The following PDE11A variants were observed in gnomAD, a reference collection of about 807,000 sequenced individuals.
PDE11A encodes dual 3',5'-cyclic-AMP and -GMP phosphodiesterase 11A.
A neutral mutation model predicts 100.5 loss-of-function variants in PDE11A; 100 were observed. That is an observed-to-expected ratio of 1.00 (90% CI 0.85 to 1.18). The LOEUF (loss-of-function observed/expected upper bound fraction) is 1.18. PDE11A is among the 50% of genes most tolerant of loss of function. The pLI, the probability that PDE11A is intolerant of heterozygous loss-of-function variation, is 0.00. For synonymous variants in PDE11A, 381 were observed against 420.8 expected (o/e 0.91, Z 1.16); for missense variants, 1,141 against 1,152.6 (o/e 0.99, Z 0.15).
intron 3 of PDE11A, among the ~76,000 whole-genome samples, chr2:177,903,021 C>T (rs1293674863): frequency 6.6e-6 from 1 of 152,200 alleles, no homozygotes; most frequent in Non-Finnish European, 1.5e-5. Context: ...TAATGGCTTT[C>T]CATTGCACTC....
At chr2:177,827,625 T>C (rs2083245971) in intron 6 of PDE11A, among the ~76,000 whole-genome samples, 1 of 152,204 alleles carries the variant, frequency 6.6e-6, no homozygotes, top group Non-Finnish European at 1.5e-5. Context: ...TAATGGCTTG[T>C]TTTGCATTAG....
intron 2 of PDE11A, among the ~76,000 whole-genome samples, chr2:177,969,367 G>A (rs2085740387): frequency 6.6e-6 from 1 of 151,982 alleles, no homozygotes; most frequent in African/African-American, 2.4e-5. Flanking sequence ...AAACCACCAT[G>A]GCACATGTAT....
chr2:177,901,846 T>C (rs902565010), intron 3 of PDE11A, among the ~76,000 whole-genome samples: 2 of 152,210 alleles, frequency 1.3e-5, no homozygotes, highest in African/African-American at 4.8e-5. Flanking sequence ...TTTGTTGTGA[T>C]TGCATGGAGA....
chr2:178,090,581 C>T (rs558988380), intron 2 of PDE11A, among the ~76,000 whole-genome samples: 5 of 152,252 alleles, frequency 3.3e-5, no homozygotes, highest in Non-Finnish European at 2.9e-5. Flanking sequence ...TGGCTTTTAT[C>T]GGTGCCACCA....
chr2:177,839,940 A>G (rs532002271), intron 6 of PDE11A, among the ~76,000 whole-genome samples: 1 of 152,292 alleles, frequency 6.6e-6, no homozygotes, highest in East Asian at 1.9e-4. Flanking sequence ...TTTTATAAAT[A>G]TGGTAGTTGT....
chr2:177,713,600 C>T (rs2081387840), intron 12 of PDE11A, among the ~76,000 whole-genome samples: 1 of 152,044 alleles, frequency 6.6e-6, no homozygotes, highest in South Asian at 2.1e-4. Flanking sequence ...TGGCACGCGC[C>T]TGTAATCCCA....
At chr2:178,082,001 T>C (rs2087290908) in intron 2 of PDE11A, among the ~76,000 whole-genome samples, 2 of 152,216 alleles carry the variant, frequency 1.3e-5, no homozygotes, top group African/African-American at 4.8e-5. Context: ...CACACAGTCA[T>C]AGTGAAGGCC....
At chr2:178,020,934 T>A (rs1440759027) in intron 1 of PDE11A, among the ~76,000 whole-genome samples, 1 of 103,864 alleles carries the variant, frequency 9.6e-6, no homozygotes, top group African/African-American at 8.4e-5. Flanking sequence ...GGTGTGTGTG[T>A]GTGTGTGTGT....
chr2:177,903,573 T>C (rs1460855445), intron 3 of PDE11A, among the ~76,000 whole-genome samples: 2 of 152,202 alleles, frequency 1.3e-5, no homozygotes, highest in Non-Finnish European at 2.9e-5. Flanking sequence ...TAATCATATA[T>C]GAAGCTTCAC....
At chr2:178,106,057 A>G (rs2087613974) in intron 1 of PDE11A, among the ~76,000 whole-genome samples, 2 of 152,228 alleles carry the variant, frequency 1.3e-5, no homozygotes, top group African/African-American at 4.8e-5. Context: ...TGATCTATCA[A>G]TAGAAACAGA....
intron 19 of PDE11A, among the ~76,000 whole-genome samples, chr2:177,646,351 C>T (rs2080223334): frequency 6.6e-6 from 1 of 152,198 alleles, no homozygotes; most frequent in Admixed American, 6.5e-5. Context: ...GCACATCTTG[C>T]TAACATGAAT....
In PDE11A at chr2:177,889,594, TTTA is replaced by T. The variant is rs199537699; in HGVS notation, c.1302+8461_1302+8463del. ...TTTTATCATTCTCCTTTTTTAATGC[TTTA>T]TTATTATCCATTTTATTTTCAATTT... On this transcript the variant is annotated intron_variant, in intron 4 of 19. Coordinates refer to ENST00000286063, the MANE Select transcript of PDE11A (RefSeq NM_016953.4). 4.5e-4 allele frequency among the ~76,000 whole-genome samples: 69 copies of T among 152,212 alleles called. 1 individual carries two copies. The East Asian group carries it at 0.013, about 28-fold the overall frequency.
chr2:177,811,714 C>G (rs1036150980), intron 9 of PDE11A, among the ~76,000 whole-genome samples: 2 of 151,920 alleles, frequency 1.3e-5, no homozygotes, highest in Admixed American at 6.6e-5. Context: ...AAGACCTGTT[C>G]TGTTTCTGAC....
intron 19 of PDE11A, among the ~76,000 whole-genome samples, chr2:177,631,311 C>CAAA (rs1162577475): frequency 5.2e-5 from 2 of 38,252 alleles, no homozygotes; most frequent in Non-Finnish European, 1.3e-4. Context: ...AAAAAAAAAA[C>CAAA]AAAAAAAAAA....
chr2:177,865,208 A>G (rs1158579469), intron 5 of PDE11A, among the ~76,000 whole-genome samples: 10 of 151,958 alleles, frequency 6.6e-5, no homozygotes, highest in Non-Finnish European at 1.3e-4. Flanking sequence ...AACCCAATAG[A>G]CAGAGGTTGC....
At chr2:177,918,924 T>C (rs746266789) in intron 2 of PDE11A, among the ~76,000 whole-genome samples, 2 of 152,160 alleles carry the variant, frequency 1.3e-5, no homozygotes, top group South Asian at 2.1e-4. Flanking sequence ...AAAATTCCTA[T>C]GCTATTCAAA....
intron 2 of PDE11A, chr2:177,998,539 T>A: frequency 7.5e-7 from 1 of 1,331,490 alleles, no homozygotes; most frequent in Non-Finnish European, 1.1e-6. Flanking sequence ...TGACGTCAAA[T>A]AGATACATCT....
intron 18 of PDE11A, among the ~76,000 whole-genome samples, chr2:177,664,520 ATT>A (rs2080539334): frequency 6.6e-6 from 1 of 152,162 alleles, no homozygotes; most frequent in Non-Finnish European, 1.5e-5. Context: ...GGGTGGACTC[ATT>A]ATCTCTTCAT....
intron 2 of PDE11A, among the ~76,000 whole-genome samples, chr2:177,947,338 G>A (rs1188531812): frequency 6.7e-6 from 1 of 149,714 alleles, no homozygotes; most frequent in African/African-American, 2.5e-5. Flanking sequence ...GGGAAAGGTG[G>A]GCAAAAGATT....
Sources: gnomAD v4.1 joint callset for allele counts (sites outside exome capture counted in the v4.1 genomes callset) on GRCh38, gnomAD v4.1.1 for gene constraint, MANE v1.5 for transcripts, NCBI Gene and HGNC (gene_info 2026-07-23, HGNC 2026-07-21) for gene names.